Variants in PLEC observed in about 807,000 individuals in gnomAD.
PLEC encodes hemidesmosomal protein 1.
In PLEC, 216 loss-of-function variants were observed where a neutral mutation model predicts 392.8. The observed-to-expected ratio is 0.55, with a 90% CI of 0.49 to 0.62. The LOEUF (loss-of-function observed/expected upper bound fraction) is 0.62, where lower values mean the gene tolerates loss of function less well. Ranked by LOEUF, PLEC falls within the 20% of genes least tolerant of loss-of-function variation. PLEC has a pLI of 0.00. For synonymous variants in PLEC, 3,621 were observed against 2,980.6 expected, an observed-to-expected ratio of 1.21 and a Z score of -7.00; for missense variants, 6,863 against 6,563.4, an observed-to-expected ratio of 1.05 and a Z score of -1.58.
intron 3 of PLEC, 50 bp downstream of exon 3, chr8:143,938,101 G>A (rs1554724942): frequency 2.2e-6 from 3 of 1,356,524 alleles, no homozygotes; most frequent in Non-Finnish European, 3.1e-6. Flanking sequence ...GGCAGGCAGA[G>A]GTCTCCAGGT....
chr8:143,975,085 A>G, upstream of PLEC: 1 of 1,414,834 alleles, frequency 7.1e-7, no homozygotes, highest in Non-Finnish European at 9.8e-7. The surrounding 1 kb of genome is among the most constrained non-coding windows in gnomAD (Gnocchi z 9.9). Context: ...GGCCTCCCCC[A>G]CCCAGTCCCC....
chr8:143,928,259 G>A (rs1417548328), intron 25 of PLEC, among the ~76,000 whole-genome samples: 3 of 152,372 alleles, frequency 2.0e-5, no homozygotes, highest in East Asian at 1.9e-4. Context: ...CCAAGGCCCC[G>A]AGACAGGACG....
rs1047830124 is a variant in PLEC at position 143,939,118 on chromosome 8, A to G, written c.112+232T>C. ...TGACAGGGCAGCGAACCTTCCCCAG[A>G]GCGCAGAGTTCCTCGCCCTTCCAGG... On this transcript the variant is annotated intron_variant, in intron 1 of 31. Coordinates refer to ENST00000345136, the MANE Select transcript of PLEC (RefSeq NM_201384.3). Among the ~76,000 whole-genome samples the G allele has an allele frequency of 1.1e-4, 17 of 152,258 alleles. No individual in the cohort carries two copies. The Middle Eastern group carries it at 0.01, about 91-fold the overall frequency.
rs1044877595 is a variant in PLEC at position 143,929,566 on chromosome 8, G to C, written c.2929C>G (p.Gln977Glu). 1.9e-6 allele frequency: 3 copies of C among 1,612,340 alleles called. No homozygotes were observed. In the African/African-American group the frequency reaches 4.0e-5, roughly 22 times the overall value. The change falls in exon 24 of 32, where the codon CAG (glutamine) becomes GAG (glutamate). Residue 977 changes from glutamine (Q) to glutamate (E), a missense_variant. By Grantham distance (29) the Gln-to-Glu change is conservative. Coordinates refer to ENST00000345136, the MANE Select transcript of PLEC (RefSeq NM_201384.3). Reference protein sequence around the residue: ...QLLQSLEQGAQEESRCQRCIS... With the variant: ...QLLQSLEQGAEEESRCQRCIS... ...CAGCGCTGGCAGCGAGACTCTTCCTGTGCACCTGGGGAACACATGTGGGTC... is the reference window on the plus strand; with the variant it reads ...CAGCGCTGGCAGCGAGACTCTTCCTCTGCACCTGGGGAACACATGTGGGTC...
chr8:143,945,147 G>A (rs782619826), intron 1 of PLEC: 7 of 441,900 alleles, frequency 1.6e-5, no homozygotes, highest in South Asian at 5.0e-5. Flanking sequence ...AGGGCCCTGC[G>A]CAGGTCACTC....
Position 143,921,564 on chromosome 8 carries a change from C to A in PLEC, c.8257G>T (p.Ala2753Ser). 5 of 1,612,622 alleles carry A rather than the reference C, an allele frequency of 3.1e-6. No homozygotes were observed. The highest frequency in any genetic ancestry group is 4.2e-6 in the Non-Finnish European group (5 of 1,179,578). ...GGGCCCACCACACCCTCCTTCACAG[C>A]CTCGTTGACGGTCAGCCGCCGGTTC... is the stretch of plus-strand genomic sequence containing the variant. ...VRNRRLTVNE[A>S]VKEGVVGPEL... The change falls in exon 32 of 32, where the codon GCT becomes TCT. Residue 2753 changes from alanine to serine, a missense_variant. Ala to Ser is a moderately conservative substitution (Grantham distance 99). Coordinates refer to ENST00000345136, the MANE Select transcript of PLEC (RefSeq NM_201384.3).
chr8:143,950,362 G>A (rs782334718), exon 1 of PLEC: 63 of 1,589,852 alleles, frequency 4.0e-5, no homozygotes, highest in Middle Eastern at 1.7e-4. Context: ...CAGCCTGCAC[G>A]TGGGGGGTGC....
upstream of PLEC, chr8:143,943,887 C>T (rs782603878): frequency 2.3e-5 from 37 of 1,610,856 alleles, no homozygotes; most frequent in Admixed American, 1.0e-4. Flanking sequence ...CCCGAGGGCT[C>T]CATAGCCGCC....
At position 143,923,531 on chromosome 8, in the gene PLEC, G is replaced by A. The variant is rs782011662; in HGVS notation, c.6398C>T (p.Ala2133Val). The A allele has an allele frequency of 6.9e-5, 111 of 1,598,580 alleles. No individual in the cohort carries two copies. Among genetic ancestry groups the A allele is most frequent in the Admixed American group, 1.3e-4 (8 of 59,724 alleles). Residue 2133 changes from alanine (A) to valine (V), a missense_variant, in exon 31 of 32, where the codon GCG (alanine) becomes GTG (valine). Ala to Val is a moderately conservative substitution (Grantham distance 64). Coordinates refer to ENST00000345136, the MANE Select transcript of PLEC (RefSeq NM_201384.3). ...EQAQARAQAQ[A>V]AAEKLRKEAE... ...CTCCTTGCGCAGCTTCTCTGCAGCC[G>A]CCTGTGCCTGAGCCCGGGCCTGTGC...
chr8:143,932,206 T>C lies in PLEC; in HGVS notation c.2006A>G (p.Glu669Gly). 6.2e-7 allele frequency: 1 copy of C among 1,612,280 alleles called. No homozygotes were observed. Among genetic ancestry groups the C allele is most frequent in the Non-Finnish European group, 8.5e-7 (1 of 1,179,878 alleles). Residue 669 changes from glutamate (E) to glycine (G), a missense_variant, in exon 17 of 32, where the codon GAG becomes GGG. Glu to Gly is a moderately conservative substitution (Grantham distance 98, BLOSUM62 -2). Transcript: ENST00000345136. ...SALMRELELKEKKIKELQNAG... is the reference protein window; with the variant it reads ...SALMRELELKGKKIKELQNAG... ...ATTTTGGAGCTCCTTGATCTTCTTC[T>C]CCTTCAGCTCCAGCTCCCGCATCAG... is the stretch of plus-strand genomic sequence containing the variant.
At position 143,932,185 on chromosome 8, in the gene PLEC, T is replaced by C. The variant is rs782553688; in HGVS notation, c.2027A>G (p.Gln676Arg). The change falls in exon 17 of 32, where the codon CAA becomes CGA. Residue 676 changes from glutamine to arginine, a missense_variant. Coordinates refer to ENST00000345136, the MANE Select transcript of PLEC (RefSeq NM_201384.3). ...CCGCAGCAGCCGGTCCCCAGCATTT[T>C]GGAGCTCCTTGATCTTCTTCTCCTT... ...ELKEKKIKEL[Q>R]NAGDRLLRED... 1.2e-6 allele frequency: 2 copies of C among 1,612,326 alleles called. No homozygotes were observed. The highest frequency in any genetic ancestry group is 1.7e-6 in the Non-Finnish European group (2 of 1,179,874).
At position 143,916,786 on chromosome 8, in the gene PLEC, C is replaced by T. The variant is rs2130811775; in HGVS notation, c.13035G>A (p.Met4345Ile). ...AVNKGLVDKI[M>I]VDRINLAQKA... ...TCTGGGCCAGGTTGATGCGGTCCAC[C>T]ATGATCTTGTCCACCAGGCCCTTGT... The change falls in exon 32 of 32, where the codon ATG becomes ATA. Residue 4345 changes from methionine to isoleucine, a missense_variant. Physicochemically the swap from Met to Ile is conservative, Grantham distance 10 (BLOSUM62 1). Transcript: ENST00000345136. 6.2e-7 allele frequency: 1 copy of T among 1,613,312 alleles called. No homozygotes were observed. Among genetic ancestry groups the T allele is most frequent in the Non-Finnish European group, 8.5e-7 (1 of 1,179,970 alleles).
At chr8:143,968,782 T>C (rs1400389039) in intron 1 of PLEC, among the ~76,000 whole-genome samples, 5 of 152,008 alleles carry the variant, frequency 3.3e-5, no homozygotes, top group African/African-American at 1.2e-4. Context: ...GAAATGCAAA[T>C]CAAACCACAA....
At chr8:143,976,082 A>C (rs1198024938), upstream of PLEC, among the ~76,000 whole-genome samples, 2 of 152,176 alleles carry the variant, frequency 1.3e-5, no homozygotes, top group African/African-American at 4.8e-5. Context: ...CGATCTCCGC[A>C]GCGAAGGCCT....
chr8:143,967,034 G>A lies in PLEC; in HGVS notation c.70+6369C>T, dbSNP rs1833133310. 1.3e-5 allele frequency among the ~76,000 whole-genome samples: 2 copies of A among 152,150 alleles called. 1 individual carries two copies. The highest frequency in any genetic ancestry group is 4.1e-4 in the South Asian group (2 of 4,826). ...TAAAATCCAGAAATCATAAAAGACT[G>A]GTGAGTGTTAAAAATTGATATGGCT... On this transcript the variant is annotated intron_variant, in intron 1 of 31. Transcript: ENST00000356346.
At chr8:143,934,210 G>A (rs893569634) in intron 11 of PLEC, 108 bp downstream of exon 11, 2 of 1,593,168 alleles carry the variant, frequency 1.3e-6, no homozygotes, top group Admixed American at 1.7e-5. Context: ...CCTAAGGCGA[G>A]TGGGAGCTTG....
chr8:143,934,208 G>A (rs1053412538), intron 11 of PLEC, 110 bp downstream of exon 11: 398 of 1,584,382 alleles, frequency 2.5e-4, no homozygotes, highest in Non-Finnish European at 3.3e-4. Context: ...GTCCTAAGGC[G>A]AGTGGGAGCT....
chr8:143,938,254 A>C lies in PLEC; in HGVS notation c.175-14T>G. On this transcript the variant is annotated splice_polypyrimidine_tract_variant and intron_variant, in intron 2 of 31. Transcript: ENST00000345136. ...GTGCCTCTGGGCCTGTGGGGACAGCAGCGGCTGAGGTGGCCAGTCCCCCAG... is the reference window on the plus strand; with the variant it reads ...GTGCCTCTGGGCCTGTGGGGACAGCCGCGGCTGAGGTGGCCAGTCCCCCAG... 2 of 1,583,746 alleles carry C rather than the reference A, an allele frequency of 1.3e-6. No individual in the cohort carries two copies. Among genetic ancestry groups the C allele is most frequent in the East Asian group, 4.6e-5 (2 of 43,254 alleles).
Position 143,919,857 on chromosome 8 carries a change from C to G in PLEC, c.9964G>C (p.Val3322Leu). ...TGCTCAAACTGGGCTCTGCTGAGGA[C>G]CCCGGAAGCCAGGAGCTCGCTGGCT... Reference protein sequence around the residue: ...VPASELLASGVLSRAQFEQLK... With the variant: ...VPASELLASGLLSRAQFEQLK... Residue 3322 changes from valine (V) to leucine (L), a missense_variant, in exon 32 of 32, where the codon GTC becomes CTC. Physicochemically the swap from Val to Leu is conservative, Grantham distance 32 (BLOSUM62 1). Transcript: ENST00000345136. 1 of 1,613,142 alleles carries G rather than the reference C, an allele frequency of 6.2e-7. No individual in the cohort carries two copies. The highest frequency in any genetic ancestry group is 2.2e-5 in the East Asian group (1 of 44,890).
Sources: gnomAD v4.1 joint callset for allele counts (sites outside exome capture counted in the v4.1 genomes callset) on GRCh38, gnomAD v4.1.1 for gene constraint, Gnocchi (gnomAD v3.1) non-coding constraint, MANE v1.5 for transcripts, NCBI Gene and HGNC (gene_info 2026-07-23, HGNC 2026-07-21) for gene names.